CDH13: variants seen among roughly 807,000 people sequenced by gnomAD.
The protein encoded by CDH13 is cadherin-13.
In CDH13, 24 loss-of-function variants were observed where a neutral mutation model predicts 63.8. The ratio of observed to expected loss-of-function variants is 0.38; its 90% CI spans 0.27 to 0.53. The LOEUF (loss-of-function observed/expected upper bound fraction) is 0.53. Among genes scored for constraint, CDH13 ranks in the 20% least tolerant of loss-of-function variants. CDH13 has a pLI of 0.85. For missense variants in CDH13, 1,049 were observed against 903.1 expected (o/e 1.16, Z -2.07); for synonymous variants, 503 against 355.3 (o/e 1.42, Z -4.67).
intron 5 of CDH13, among the ~76,000 whole-genome samples, chr16:83,313,570 C>A (rs1396870524): frequency 6.7e-6 from 1 of 150,340 alleles, no homozygotes; most frequent in Non-Finnish European, 1.5e-5. Flanking sequence ...GGGCCCCAGG[C>A]CATGGTAGAT....
At chr16:83,350,399 C>T (rs769189174) in intron 6 of CDH13, among the ~76,000 whole-genome samples, 8 of 152,212 alleles carry the variant, frequency 5.3e-5, no homozygotes, top group African/African-American at 9.6e-5. Flanking sequence ...TAAAGGTGCA[C>T]GTTCTGTGTC....
At chr16:83,517,248 C>G (rs1283505205) in intron 7 of CDH13, among the ~76,000 whole-genome samples, 1 of 152,164 alleles carries the variant, frequency 6.6e-6, no homozygotes, top group Non-Finnish European at 1.5e-5. Context: ...CTAAAAGAGG[C>G]TCATAAAGAG....
intron 6 of CDH13, among the ~76,000 whole-genome samples, chr16:83,407,869 G>A (rs1417040101): frequency 6.6e-6 from 1 of 152,138 alleles, no homozygotes; most frequent in Non-Finnish European, 1.5e-5. Context: ...ACTCACAAAT[G>A]TATAACTGAG....
chr16:82,794,522 C>A (rs2036486082), intron 1 of CDH13, among the ~76,000 whole-genome samples: 1 of 151,408 alleles, frequency 6.6e-6, no homozygotes, highest in Non-Finnish European at 1.5e-5. Context: ...TGATAAATAA[C>A]ATAAAAGAGC....
intron 1 of CDH13, among the ~76,000 whole-genome samples, chr16:82,807,095 T>C (rs540368835): frequency 6.6e-6 from 1 of 152,070 alleles, no homozygotes; most frequent in East Asian, 1.9e-4. Context: ...TGCCTTTTTT[T>C]TTTTTTTTCT....
intron 7 of CDH13, among the ~76,000 whole-genome samples, chr16:83,565,707 C>A (rs975298338): frequency 6.6e-6 from 1 of 152,056 alleles, no homozygotes. Flanking sequence ...CTGATTTATT[C>A]TTTTCAGGCT....
chr16:82,912,326 A>T (rs1468094001), intron 2 of CDH13, among the ~76,000 whole-genome samples: 2 of 152,188 alleles, frequency 1.3e-5, no homozygotes, highest in African/African-American at 4.8e-5. Flanking sequence ...GAGCCAGCTA[A>T]ATATCCTTTC....
At chr16:82,657,545 T>C (rs984920036) in intron 1 of CDH13, among the ~76,000 whole-genome samples, 6 of 152,234 alleles carry the variant, frequency 3.9e-5, no homozygotes, top group African/African-American at 7.2e-5. Context: ...AATTTTTCTA[T>C]TTAATATTTT....
intron 7 of CDH13, among the ~76,000 whole-genome samples, chr16:83,599,980 A>T (rs1487283878): frequency 6.6e-6 from 1 of 152,310 alleles, no homozygotes; most frequent in Non-Finnish European, 1.5e-5. Flanking sequence ...CCAATAGTAC[A>T]TGCAGTCCAG....
At chr16:83,114,763 T>G (rs938765077) in intron 3 of CDH13, among the ~76,000 whole-genome samples, 1 of 152,204 alleles carries the variant, frequency 6.6e-6, no homozygotes, top group Non-Finnish European at 1.5e-5. Flanking sequence ...GTAGGCAAAC[T>G]TCAGCCCCAG....
At chr16:83,645,318 T>C (rs968437817) in intron 8 of CDH13, among the ~76,000 whole-genome samples, 12 of 152,200 alleles carry the variant, frequency 7.9e-5, no homozygotes, top group African/African-American at 2.9e-4. Context: ...TACTGCATGT[T>C]CTCACTTGTA....
intron 2 of CDH13, among the ~76,000 whole-genome samples, chr16:82,924,739 C>G (rs955704717): frequency 3.9e-5 from 6 of 152,128 alleles, no homozygotes; most frequent in Non-Finnish European, 7.3e-5. Flanking sequence ...GCCAGCCCTT[C>G]TCAGAATACA....
At chr16:83,194,756 G>T (rs1246519511) in intron 4 of CDH13, among the ~76,000 whole-genome samples, 1 of 152,172 alleles carries the variant, frequency 6.6e-6, no homozygotes, top group Non-Finnish European at 1.5e-5. Context: ...TGACTTCCTA[G>T]TTGGGTAGTT....
chr16:83,538,590 G>T (rs925299316), intron 7 of CDH13, among the ~76,000 whole-genome samples: 1 of 152,352 alleles, frequency 6.6e-6, no homozygotes, highest in East Asian at 1.9e-4. Context: ...TGGGTGAGTT[G>T]AGGAAGTATG....
intron 6 of CDH13, among the ~76,000 whole-genome samples, chr16:83,353,600 A>G (rs1174219972): frequency 1.3e-5 from 2 of 152,240 alleles, no homozygotes; most frequent in Non-Finnish European, 2.9e-5. Flanking sequence ...ATTTTTATTT[A>G]TAGCTCTCTC....
At chr16:83,056,230 C>T (rs745638688) in intron 3 of CDH13, among the ~76,000 whole-genome samples, 11 of 152,098 alleles carry the variant, frequency 7.2e-5, no homozygotes, top group East Asian at 1.9e-4. Context: ...ATAGCAAGGA[C>T]GTGTGGCAAT....
chr16:82,761,017 C>CTTTTTTTTTTTTTTTTCTTTTTTTTTTTT (rs2034821712), intron 1 of CDH13, among the ~76,000 whole-genome samples: 1 of 40,452 alleles, frequency 2.5e-5, no homozygotes, highest in Non-Finnish European at 4.6e-5. Context: ...TTCTTTCTTT[C>CTTTTTTTTTTTTTTTTCTTTTTTTTTTTT]TTTTTTTTTT....
At chr16:83,759,163 T>C (rs1597188282) in intron 11 of CDH13, among the ~76,000 whole-genome samples, 1 of 152,180 alleles carries the variant, frequency 6.6e-6, no homozygotes, top group Non-Finnish European at 1.5e-5. Context: ...ACCATAGTAA[T>C]TGAAACCATG....
intron 6 of CDH13, among the ~76,000 whole-genome samples, chr16:83,402,771 C>T (rs190300038): frequency 2.0e-5 from 3 of 152,292 alleles, no homozygotes. Flanking sequence ...TATTAGTATG[C>T]AATTTCATTC....
Sources: gnomAD v4.1 joint callset for allele counts (sites outside exome capture counted in the v4.1 genomes callset) on GRCh38, gnomAD v4.1.1 for gene constraint, MANE v1.5 for transcripts, NCBI Gene and HGNC (gene_info 2026-07-23, HGNC 2026-07-21) for gene names.